Variants in FBXL5 observed in about 807,000 individuals in gnomAD.
The protein encoded by FBXL5 is F-box and leucine rich repeat protein 5.
FBXL5 carries 26 observed loss-of-function variants against 78.3 expected under a neutral mutation model. The ratio of observed to expected loss-of-function variants is 0.33; its 90% CI spans 0.24 to 0.46. The LOEUF (loss-of-function observed/expected upper bound fraction) is 0.46. FBXL5 is among the 20% of genes least tolerant of loss of function. The pLI, the probability that FBXL5 is intolerant of heterozygous loss-of-function variation, is 1.00. For synonymous variants in FBXL5, 295 were observed against 282.5 expected (o/e 1.04, Z -0.45); for missense variants, 710 against 829.2 (o/e 0.86, Z 1.77).
intron 10 of FBXL5, among the ~76,000 whole-genome samples, chr4:15,607,256 C>T (rs768805845): frequency 3.9e-5 from 6 of 151,936 alleles, no homozygotes; most frequent in Admixed American, 6.6e-5. Context: ...CATGAGGATT[C>T]GTTGTATTAT....
upstream of FBXL5, among the ~76,000 whole-genome samples, chr4:15,662,225 A>T (rs1297742375): frequency 1.3e-5 from 2 of 152,200 alleles, no homozygotes; most frequent in African/African-American, 2.4e-5. Context: ...AACGTGGTCC[A>T]GAACTGGTTT....
chr4:15,616,354 C>T (rs1158269254), intron 9 of FBXL5, among the ~76,000 whole-genome samples: 2 of 151,994 alleles, frequency 1.3e-5, no homozygotes, highest in Non-Finnish European at 2.9e-5. Flanking sequence ...AGGCCTCACC[C>T]AGTTCCCACA....
At position 15,628,404 on chromosome 4, in the gene FBXL5, A is replaced by G. The variant is rs544081053; in HGVS notation, c.893-371T>C. On this transcript the variant is annotated intron_variant, in intron 6 of 10. Coordinates refer to ENST00000341285, the MANE Select transcript of FBXL5 (RefSeq NM_012161.4). Reference sequence around the variant, plus strand: ...CTTTAGAATTTCTAAGAAGCTAAAAATGAGCATGGCTTTTGGTTTTACTTA... The same window carrying G: ...CTTTAGAATTTCTAAGAAGCTAAAAGTGAGCATGGCTTTTGGTTTTACTTA... 1.3e-4 allele frequency among the ~76,000 whole-genome samples: 20 copies of G among 152,302 alleles called. No individual in the cohort carries two copies. The East Asian group carries it at 2.1e-3, about 16-fold the overall frequency.
intron 1 of FBXL5, among the ~76,000 whole-genome samples, chr4:15,675,698 C>T (rs1220406112): frequency 6.6e-6 from 1 of 151,158 alleles, no homozygotes; most frequent in Non-Finnish European, 1.5e-5. Context: ...TCTCCTGCCT[C>T]AGCCTCCCAA....
At chr4:15,655,520 C>CA (rs1362716298), upstream of FBXL5, 2 of 335,854 alleles carry the variant, frequency 6.0e-6, no homozygotes, top group Non-Finnish European at 8.5e-6. Flanking sequence ...CTCCCGCCCC[C>CA]ACTCTTTTCG....
At chr4:15,642,136 G>C (rs1203944367) in intron 2 of FBXL5, among the ~76,000 whole-genome samples, 1 of 151,894 alleles carries the variant, frequency 6.6e-6, no homozygotes, top group East Asian at 1.9e-4. Flanking sequence ...CTAATTCTGG[G>C]CAATTCTAAG....
chr4:15,631,765 G>GTT (rs71179643), intron 5 of FBXL5, among the ~76,000 whole-genome samples: 23 of 151,204 alleles, frequency 1.5e-4, no homozygotes, highest in Admixed American at 3.3e-4. Context: ...TGATGGGGTT[G>GTT]TTTTTTTTTC....
At chr4:15,654,807 A>G (rs929661901) in intron 1 of FBXL5, among the ~76,000 whole-genome samples, 1 of 152,088 alleles carries the variant, frequency 6.6e-6, no homozygotes, top group East Asian at 1.9e-4. Context: ...TGCAGATGGG[A>G]GTCCACCGCA....
chr4:15,609,835 T>A (rs562236323), intron 10 of FBXL5, among the ~76,000 whole-genome samples: 3 of 152,058 alleles, frequency 2.0e-5, no homozygotes, highest in Non-Finnish European at 4.4e-5. Context: ...TTTGAATATA[T>A]GATAACTAAC....
At chr4:15,607,333 G>A (rs890896944) in intron 10 of FBXL5, among the ~76,000 whole-genome samples, 30 of 152,012 alleles carry the variant, frequency 2.0e-4, no homozygotes, top group African/African-American at 7.2e-4. Flanking sequence ...AATTACTAAA[G>A]CCAATTTTTA....
intron 1 of FBXL5, among the ~76,000 whole-genome samples, chr4:15,671,103 T>C (rs557336694): frequency 6.6e-6 from 1 of 151,932 alleles, no homozygotes; most frequent in African/African-American, 2.4e-5. Flanking sequence ...TTTGTATTTT[T>C]AGTAGAGATG....
chr4:15,635,625 C>T (rs933373955), intron 5 of FBXL5, among the ~76,000 whole-genome samples: 4 of 149,634 alleles, frequency 2.7e-5, no homozygotes, highest in Non-Finnish European at 4.5e-5. Context: ...TGGTGGTGCA[C>T]GCCTGTAATC....
upstream of FBXL5, among the ~76,000 whole-genome samples, chr4:15,655,687 G>A (rs745885613): frequency 5.3e-5 from 8 of 152,236 alleles, no homozygotes; most frequent in Admixed American, 2.0e-4. Context: ...GCCTTGAGGA[G>A]AGGCAGCCAA....
At chr4:15,625,197 C>A (rs199912303) in intron 9 of FBXL5, 55 bp downstream of exon 9, 540 of 1,501,064 alleles carry the variant, frequency 3.6e-4, no homozygotes, top group Non-Finnish European at 4.5e-4. Flanking sequence ...TTTTTATATT[C>A]CATTTGGAAA....
exon 1 of FBXL5, chr4:15,681,507 C>T (rs1192232726): frequency 1.9e-5 from 3 of 160,788 alleles, no homozygotes. Context: ...CGCTCGGCTA[C>T]ATCCGGCCCG....
chr4:15,609,482 C>T (rs1722100012), intron 10 of FBXL5, among the ~76,000 whole-genome samples: 1 of 151,984 alleles, frequency 6.6e-6, no homozygotes, highest in African/African-American at 2.4e-5. Flanking sequence ...TCCTCTTTAA[C>T]TTAAATTAGA....
At chr4:15,678,660 A>G (rs1021170556) in intron 1 of FBXL5, among the ~76,000 whole-genome samples, 3 of 152,216 alleles carry the variant, frequency 2.0e-5, no homozygotes, top group African/African-American at 7.2e-5. Flanking sequence ...TAATTTAAGT[A>G]TATTTACCTA....
At chr4:15,657,707 T>C (rs2148753885), upstream of FBXL5, among the ~76,000 whole-genome samples, 1 of 152,386 alleles carries the variant, frequency 6.6e-6, no homozygotes, top group South Asian at 2.1e-4. Context: ...CTCCATATGC[T>C]GAATTATGTA....
chr4:15,655,393 CGTCGGCGCGCGCGCCCGGTCG>C (rs1185855903), upstream of FBXL5: 1 of 1,038,194 alleles, frequency 9.6e-7, no homozygotes, highest in South Asian at 4.5e-5. Context: ...GCGCCCGCCC[CGTCGGCGCGCGCGCCCGGTCG>C]GCTTGGCCGG....
Sources: gnomAD v4.1 joint callset for allele counts (sites outside exome capture counted in the v4.1 genomes callset) on GRCh38, gnomAD v4.1.1 for gene constraint, MANE v1.5 for transcripts, NCBI Gene and HGNC (gene_info 2026-07-23, HGNC 2026-07-21) for gene names.